ADAP1: variants seen among roughly 807,000 people sequenced by gnomAD.
The protein encoded by ADAP1 is ArfGAP with dual PH domains 1.
ADAP1 carries 31 observed loss-of-function variants against 54.9 expected under a neutral mutation model. The ratio of observed to expected loss-of-function variants is 0.56; its 90% CI spans 0.42 to 0.76. The LOEUF is 0.76. ADAP1 is among the 30% of genes least tolerant of loss of function. The probability of loss-of-function intolerance (pLI) is 0.00; values close to 1 mark genes in which losing one functional copy is unlikely to be tolerated. For synonymous variants in ADAP1, 313 were observed against 202.6 expected (o/e 1.55, Z -4.63); for missense variants, 535 against 512.4 (o/e 1.04, Z -0.42).
At position 954,182 on chromosome 7, in the gene ADAP1, C is replaced by G. The variant is rs536637725; in HGVS notation, c.82+214G>C. 8.4e-3 allele frequency among the ~76,000 whole-genome samples: 1,280 copies of G among 151,878 alleles called. 58 individuals are homozygous for G. Among genetic ancestry groups the G allele is most frequent in the Admixed American group, 0.077 (1,177 of 15,264 alleles). ...TCCGGGGGTCCTGGGGGGGGCCCCC[C>G]CGCTGCGCCCGGCCCGGGAAGACGT... On this transcript the variant is annotated intron_variant, in intron 1 of 10. Transcript: ENST00000265846.
chr7:927,525 A>G (rs1440262475), intron 2 of ADAP1: 1 of 470,140 alleles, frequency 2.1e-6, no homozygotes, highest in Admixed American at 2.3e-5. Context: ...GCCCAGCCAG[A>G]CTGAAGTCCC....
rs908671732 is a variant in ADAP1 at position 946,976 on chromosome 7, T to A, written c.82+7420A>T. 2.0e-5 allele frequency among the ~76,000 whole-genome samples: 3 copies of A among 152,194 alleles called. No individual in the cohort carries two copies. Among genetic ancestry groups the A allele is most frequent in the African/African-American group, 7.2e-5 (3 of 41,456 alleles). ...GTGAGACACCGCGACTCCATCCTTA[T>A]GAAAAAATTTTCTATAAAAGGTTAA... On this transcript the variant is annotated intron_variant, in intron 1 of 10. Transcript: ENST00000265846. This position sits in a 1 kb window ranked among gnomAD's most constrained non-coding sequence, Gnocchi z 4.3.
intron 4 of ADAP1, among the ~76,000 whole-genome samples, chr7:908,609 C>T (rs541156654): frequency 1.3e-5 from 2 of 152,260 alleles, no homozygotes; most frequent in Non-Finnish European, 2.9e-5. Context: ...CTGCTCAGAA[C>T]GCCTGTTGAC....
intron 2 of ADAP1, among the ~76,000 whole-genome samples, chr7:933,659 G>A (rs1846660379): frequency 1.2e-5 from 1 of 85,140 alleles, no homozygotes; most frequent in East Asian, 4.7e-4. Context: ...GCCGGGGTCA[G>A]TGGTGCTGGA....
In ADAP1 at chr7:945,651, C is replaced by CA; in HGVS notation, c.82+8744_82+8745insT. The CA allele has an allele frequency of 1.2e-6, 1 of 831,140 alleles. No individual in the cohort carries two copies. The highest frequency in any genetic ancestry group is 1.8e-5 in the African/African-American group (1 of 54,312). 51.5% of individuals were successfully genotyped at this position (831,140 alleles called of 1,614,324 possible). On this transcript the variant is annotated intron_variant, in intron 1 of 10. Coordinates refer to ENST00000265846, the MANE Select transcript of ADAP1 (RefSeq NM_006869.4). The surrounding 1 kb of genome is among the most constrained non-coding windows in gnomAD (Gnocchi z 4.2). ...AGGGGCAGGCCCAAGACTCCAGCCC[C>CA]CACAAACATCCAGGCTGCCAGCACC...
At chr7:947,214 GTTTTTTTTTTT>G (rs373444087) in intron 1 of ADAP1, among the ~76,000 whole-genome samples, 1 of 84,176 alleles carries the variant, frequency 1.2e-5, no homozygotes, top group African/African-American at 4.7e-5. Context: ...TGATTTTTTG[GTTTTTTTTTTT>G]TTTTTTTTTT....
At chr7:927,110 A>G in intron 2 of ADAP1, 3 of 1,304,164 alleles carry the variant, frequency 2.3e-6, no homozygotes, top group Non-Finnish European at 3.0e-6. Context: ...TGGGCTGGTG[A>G]GCGAGAGACC....
chr7:899,076 G>C lies in ADAP1; in HGVS notation c.1053C>G (p.Phe351Leu). The stretch of plus-strand genomic sequence containing the variant: ...GCATGGGCCTGTCCACCGCCTTCTG[G>C]AAGGCCGCCACCCACTCCCTCTGGT... ...ESDQREWVAA[F>L]QKAVDRPMLP... The change falls in exon 10 of 11, where the codon TTC (phenylalanine) becomes TTG (leucine). Residue 351 changes from phenylalanine to leucine, a missense_variant. By Grantham distance (22) the Phe-to-Leu change is conservative. Transcript: ENST00000265846. 1 of 1,608,174 alleles carries C rather than the reference G, an allele frequency of 6.2e-7. No homozygotes were observed.
At chr7:912,322 C>T (rs1421552043) in intron 4 of ADAP1, among the ~76,000 whole-genome samples, 2 of 152,210 alleles carry the variant, frequency 1.3e-5, no homozygotes, top group Non-Finnish European at 2.9e-5. Context: ...GCCATTGAGG[C>T]TGCGGCCCGA....
chr7:939,830 CAAA>C (rs569332179), intron 1 of ADAP1, among the ~76,000 whole-genome samples: 3 of 102,360 alleles, frequency 2.9e-5, no homozygotes, highest in Non-Finnish European at 4.2e-5. Context: ...GACTTTGTCT[CAAA>C]AAAAAAAAAA....
upstream of ADAP1, chr7:954,837 G>GCCGCCCGC (rs1554279156): frequency 1.5e-5 from 9 of 596,166 alleles, no homozygotes; most frequent in African/African-American, 1.8e-4. Context: ...CCCGCCGCCC[G>GCCGCCCGC]CCCCCCATCC....
intron 1 of ADAP1, among the ~76,000 whole-genome samples, chr7:936,999 C>G (rs1232178727): frequency 6.6e-6 from 1 of 152,160 alleles, no homozygotes; most frequent in Non-Finnish European, 1.5e-5. Flanking sequence ...GGAGAGGCAC[C>G]CAAGTGAGCC....
At chr7:901,002 G>T (rs577103459) in intron 6 of ADAP1, 5 of 488,682 alleles carry the variant, frequency 1.0e-5, no homozygotes, top group Admixed American at 7.0e-5. Flanking sequence ...CTATTTTTAT[G>T]AAGATCCTTA....
intron 1 of ADAP1, among the ~76,000 whole-genome samples, chr7:937,923 T>C (rs1216968712): frequency 1.3e-5 from 2 of 152,082 alleles, no homozygotes; most frequent in Non-Finnish European, 2.9e-5. Flanking sequence ...GGCACAGAGC[T>C]CAGTCCGGAG....
chr7:900,747 A>G, intron 6 of ADAP1, 131 bp from the exon 7 acceptor site: 1 of 765,328 alleles, frequency 1.3e-6, no homozygotes. Context: ...CCGGCACCTC[A>G]GCTCCCAGCA....
At chr7:932,885 C>T (rs1846628848) in intron 2 of ADAP1, among the ~76,000 whole-genome samples, 1 of 152,132 alleles carries the variant, frequency 6.6e-6, no homozygotes, top group South Asian at 2.1e-4. Flanking sequence ...TTGGGGTCGC[C>T]CTGGGTGGGT....
At chr7:933,512 AGAGCCGG>A (rs1562932272) in intron 2 of ADAP1, among the ~76,000 whole-genome samples, 1 of 84,176 alleles carries the variant, frequency 1.2e-5, no homozygotes, top group African/African-American at 4.1e-5. Flanking sequence ...GTGGTGCTGG[AGAGCCGG>A]GGGCCGGGGG....
chr7:912,137 G>A lies in ADAP1; in HGVS notation c.389-6965C>T, dbSNP rs376107081. Among the ~76,000 whole-genome samples the A allele has an allele frequency of 4.6e-5, 7 of 152,246 alleles. No individual in the cohort carries two copies. In the East Asian group the frequency reaches 5.8e-4, roughly 13 times the overall value. On this transcript the variant is annotated intron_variant, in intron 4 of 10. Coordinates refer to ENST00000265846, the MANE Select transcript of ADAP1 (RefSeq NM_006869.4). ...CCCTGTGACATTTACGGCAACGGTC[G>A]GCCCATCCCTGCCTGGTACCACCAG...
intron 3 of ADAP1, among the ~76,000 whole-genome samples, chr7:924,731 C>T (rs1418644144): frequency 3.3e-5 from 5 of 151,630 alleles, no homozygotes; most frequent in African/African-American, 9.7e-5. Context: ...CCACGAGCAC[C>T]CCCAGCCCCC....
Sources: gnomAD v4.1 joint callset for allele counts (sites outside exome capture counted in the v4.1 genomes callset) on GRCh38, gnomAD v4.1.1 for gene constraint, Gnocchi (gnomAD v3.1) non-coding constraint, MANE v1.5 for transcripts, NCBI Gene and HGNC (gene_info 2026-07-23, HGNC 2026-07-21) for gene names.